C11orf65: variants seen among roughly 807,000 people sequenced by gnomAD.
C11orf65 encodes the protein chromosome 11 open reading frame 65, also known as protein MFI.
In C11orf65, 38 loss-of-function variants were observed where a neutral mutation model predicts 35.3. That is an observed-to-expected ratio of 1.08 (90% CI 0.83 to 1.41). The LOEUF (loss-of-function observed/expected upper bound fraction) is 1.41. C11orf65 is among the 40% of genes most tolerant of loss of function. C11orf65 has a pLI of 0.00. For missense variants in C11orf65, 370 were observed against 367.1 expected (o/e 1.01, Z -0.06); for synonymous variants, 105 against 114.4 (o/e 0.92, Z 0.53).
intron 2 of C11orf65, among the ~76,000 whole-genome samples, chr11:108,338,276 G>A (rs140746862): frequency 2.6e-5 from 4 of 151,600 alleles, no homozygotes; most frequent in African/African-American, 4.9e-5. Context: ...ACTTAAACCC[G>A]GATGGCAGAG....
At chr11:108,335,396 G>A (rs1264209670) in intron 2 of C11orf65, 23 of 825,990 alleles carry the variant, frequency 2.8e-5, no homozygotes, top group Non-Finnish European at 4.0e-5. Flanking sequence ...AAATACTTTG[G>A]TGTCTGTCTC....
chr11:108,443,374 T>A (rs142756186), intron 2 of C11orf65, among the ~76,000 whole-genome samples: 4 of 152,090 alleles, frequency 2.6e-5, no homozygotes. Context: ...ACAATAATAA[T>A]AGGAGACTTT....
intron 5 of C11orf65, 139 bp downstream of exon 5, chr11:108,406,624 A>C (rs1037605408): frequency 1.7e-5 from 9 of 523,168 alleles, no homozygotes; most frequent in Non-Finnish European, 2.9e-5. Flanking sequence ...GCAACCCCTG[A>C]GTAGCTAACT....
At chr11:108,396,280 ATG>A (rs1283377806) in intron 6 of C11orf65, among the ~76,000 whole-genome samples, 47 of 151,648 alleles carry the variant, frequency 3.1e-4, no homozygotes, top group Non-Finnish European at 4.7e-4. Context: ...TTTAGTAGAG[ATG>A]GGGTTTCACC....
downstream of C11orf65, among the ~76,000 whole-genome samples, chr11:108,328,764 C>G (rs2085947814): frequency 6.6e-6 from 1 of 152,012 alleles, no homozygotes; most frequent in South Asian, 2.1e-4. Flanking sequence ...AGCTAATGAG[C>G]TTAAAAAAAA....
At chr11:108,327,726 C>A (rs1591142717), downstream of C11orf65, 1 of 1,613,956 alleles carries the variant, frequency 6.2e-7, no homozygotes, top group Non-Finnish European at 8.5e-7. Flanking sequence ...CTTAGAAAAT[C>A]CTGCGGTCAT....
At position 108,326,234 on chromosome 11, in the gene C11orf65, T is replaced by C. The variant is rs1290573965; in HGVS notation, c.641-17163A>G. ...ATGCCAGCTGTGCAGCGGTTTGTTT[T>C]TTTTATTGGCTGGATTAGTGTTTTA... is the stretch of plus-strand genomic sequence containing the variant. On this transcript the variant is annotated intron_variant, in intron 6 of 6. Transcript: ENST00000525729. 6.2e-6 allele frequency: 10 copies of C among 1,614,024 alleles called. No homozygotes were observed. Among genetic ancestry groups the C allele is most frequent in the Admixed American group, 1.7e-5 (1 of 60,008 alleles).
At chr11:108,422,093 C>A (rs557535187) in intron 3 of C11orf65, among the ~76,000 whole-genome samples, 1 of 152,220 alleles carries the variant, frequency 6.6e-6, no homozygotes, top group African/African-American at 2.4e-5. Flanking sequence ...CCATGCCTGG[C>A]TAATTTTTGT....
At chr11:108,464,289 T>A (rs769568276) in intron 1 of C11orf65, among the ~76,000 whole-genome samples, 6 of 152,238 alleles carry the variant, frequency 3.9e-5, no homozygotes, top group African/African-American at 1.4e-4. Flanking sequence ...TATGCACATA[T>A]ATATTTCTGT....
chr11:108,379,090 C>T (rs932525559), downstream of C11orf65, among the ~76,000 whole-genome samples: 2 of 151,962 alleles, frequency 1.3e-5, no homozygotes, highest in East Asian at 3.9e-4. Context: ...GGATCTAGAA[C>T]TAGAAATACC....
chr11:108,339,415 ATATCT>A (rs2087238655), intron 2 of C11orf65, among the ~76,000 whole-genome samples: 1 of 152,074 alleles, frequency 6.6e-6, no homozygotes, highest in African/African-American at 2.4e-5. Flanking sequence ...AGAAGCCATA[ATATCT>A]TAAGACATTC....
At position 108,335,104 on chromosome 11, in the gene C11orf65, G is replaced by A. The variant is rs730881385; in HGVS notation, c.299+116C>T. 6.2e-7 allele frequency: 1 copy of A among 1,614,040 alleles called. No homozygotes were observed. The highest frequency in any genetic ancestry group is 8.5e-7 in the Non-Finnish European group (1 of 1,179,958). On this transcript the variant is annotated intron_variant, in intron 3 of 3. Coordinates refer to the C11orf65 transcript ENST00000524755. ...CGATGGCAAGGAGAGGAGACAGCTTGTTAAGGTGAGCCTTCCCTTCTCTGG... is the reference window on the plus strand; with the variant it reads ...CGATGGCAAGGAGAGGAGACAGCTTATTAAGGTGAGCCTTCCCTTCTCTGG...
intron 3 of C11orf65, chr11:108,332,617 CTG>C: frequency 2.3e-6 from 2 of 868,422 alleles, no homozygotes; most frequent in Non-Finnish European, 3.5e-6. Flanking sequence ...TCATTTATGA[CTG>C]TTTTGTTTGT....
chr11:108,444,326 T>G (rs1284100104), intron 2 of C11orf65, among the ~76,000 whole-genome samples: 1 of 152,014 alleles, frequency 6.6e-6, no homozygotes, highest in Non-Finnish European at 1.5e-5. Flanking sequence ...CAATAATTAA[T>G]AGCCTACCAA....
At position 108,389,994 on chromosome 11, in the gene C11orf65, GGT is replaced by G. The variant is rs1491104220; in HGVS notation, c.731+3212_731+3213del. Among the ~76,000 whole-genome samples the G allele has an allele frequency of 6.4e-3, 217 of 33,822 alleles. 1 individual carries two copies. Among genetic ancestry groups the G allele is most frequent in the African/African-American group, 0.014 (200 of 14,270 alleles). The allele number at this position is 33,822 out of a possible 152,430, so 22.2% of individuals were successfully genotyped here. On this transcript the variant is annotated intron_variant, in intron 7 of 8. Coordinates refer to ENST00000393084, the MANE Select transcript of C11orf65 (RefSeq NM_152587.5). ...CAGGCATGAGCCACCTCGCCTGGCT[GGT>G]TTTTTTTTTATTTATTTTATTTTTT...
chr11:108,418,812 GA>G (rs2092776861), intron 3 of C11orf65, among the ~76,000 whole-genome samples: 1 of 151,864 alleles, frequency 6.6e-6, no homozygotes, highest in Non-Finnish European at 1.5e-5. Flanking sequence ...ATAAAATAAA[GA>G]TAACTATTAC....
At chr11:108,354,078 C>CACACACAA (rs1555143109) in intron 2 of C11orf65, among the ~76,000 whole-genome samples, 2 of 149,322 alleles carry the variant, frequency 1.3e-5, no homozygotes, top group Admixed American at 6.6e-5. Flanking sequence ...CAAACACACA[C>CACACACAA]ACACACACAC....
Position 108,393,233 on chromosome 11 carries a change from A to T in C11orf65, c.706T>A (p.Trp236Arg). 1 of 1,614,002 alleles carries T rather than the reference A, an allele frequency of 6.2e-7. No individual in the cohort carries two copies. The highest frequency in any genetic ancestry group is 8.5e-7 in the Non-Finnish European group (1 of 1,179,956). Residue 236 changes from tryptophan to arginine, a missense_variant, in exon 7 of 9, where the codon TGG (tryptophan) becomes AGG (arginine). By Grantham distance (101) the Trp-to-Arg change is moderately radical. Coordinates refer to ENST00000393084, the MANE Select transcript of C11orf65 (RefSeq NM_152587.5). The stretch of plus-strand genomic sequence containing the variant: ...TCATCAAAGTTCAGTGTATTTGTCC[A>T]GTTCAGCACTTCATCCACTTCCCAT... ...MEWEVDEVLN[W>R]TNTLNFDEYI...
At chr11:108,395,459 G>A (rs1443237929) in intron 6 of C11orf65, among the ~76,000 whole-genome samples, 1 of 151,528 alleles carries the variant, frequency 6.6e-6, no homozygotes, top group Non-Finnish European at 1.5e-5. Flanking sequence ...CAAGTAGCTG[G>A]GACTACAGCC....
Sources: allele counts gnomAD v4.1 joint callset (sites outside exome capture counted in the v4.1 genomes callset), GRCh38; gene constraint gnomAD v4.1.1; transcripts MANE v1.5; gene names NCBI Gene and HGNC (gene_info 2026-07-23, HGNC 2026-07-21).